NAV2: variants seen among roughly 807,000 people sequenced by gnomAD.
The protein encoded by NAV2 is helicase, APC down-regulated 1.
Under a neutral mutation model 223.2 loss-of-function variants are expected in NAV2, and 54 were observed. That is an observed-to-expected ratio of 0.24 (90% confidence interval 0.19 to 0.30). NAV2 has a LOEUF of 0.30. Ranked by LOEUF, NAV2 falls within the 10% of genes least tolerant of loss-of-function variation. NAV2 has a pLI of 1.00. For missense variants in NAV2, 2,806 were observed against 3,147.5 expected, an observed-to-expected ratio of 0.89 and a Z score of 2.60; for synonymous variants, 1,279 against 1,239.3, an observed-to-expected ratio of 1.03 and a Z score of -0.67.
At chr11:20,048,015 C>T (rs1365541305) in intron 14 of NAV2, among the ~76,000 whole-genome samples, 1 of 152,170 alleles carries the variant, frequency 6.6e-6, no homozygotes, top group South Asian at 2.1e-4. Context: ...TTTTTGGCCA[C>T]GAGCAGGGGA....
At chr11:20,006,264 AG>A (rs1423942256) in intron 11 of NAV2, among the ~76,000 whole-genome samples, 1 of 152,156 alleles carries the variant, frequency 6.6e-6, no homozygotes, top group Non-Finnish European at 1.5e-5. Flanking sequence ...TGTATTCTGG[AG>A]ATAAGGGCCT....
rs560823630 is a variant in NAV2, at chr11:19,833,194, A to G, written c.385+593A>G. Among the ~76,000 whole-genome samples the G allele has an allele frequency of 1.2e-4, 19 of 152,328 alleles. 1 individual carries two copies. In the South Asian group the frequency reaches 3.3e-3, roughly 27 times the overall value. The stretch of plus-strand genomic sequence containing the variant: ...TGGCCACAGCTTTGCCTTGGGCCTT[A>G]AGGTAACCACCCCATGGGCCTGACT... On this transcript the variant is annotated intron_variant, in intron 2 of 37. Transcript: ENST00000349880.
intron 1 of NAV2, among the ~76,000 whole-genome samples, chr11:19,763,607 C>T (rs910601008): frequency 2.0e-5 from 3 of 152,032 alleles, no homozygotes; most frequent in Non-Finnish European, 2.9e-5. Context: ...AATTAGGCTC[C>T]GTTTTATGCT....
chr11:19,982,208 T>C (rs1328486122), intron 10 of NAV2, among the ~76,000 whole-genome samples: 3 of 151,910 alleles, frequency 2.0e-5, no homozygotes, highest in Non-Finnish European at 4.4e-5. Context: ...ATCATGAAAT[T>C]CACCATTTTA....
At position 19,622,553 on chromosome 11, in the gene NAV2, G is replaced by C. The variant is rs985101595; in HGVS notation, c.76-209931G>C. On this transcript the variant is annotated intron_variant, in intron 1 of 37. Coordinates refer to the NAV2 transcript ENST00000360655. ...TTTGATCTTTGTTGGTTTAAAGTCT[G>C]TTTTATCAGAGACTAGGATTGCAAC... is the stretch of plus-strand genomic sequence containing the variant. Among the ~76,000 whole-genome samples, 6 of 152,258 alleles carry C rather than the reference G, an allele frequency of 3.9e-5. No individual in the cohort carries two copies. The East Asian group carries it at 1.2e-3, about 29-fold the overall frequency.
chr11:20,008,138 G>A (rs979240506), intron 11 of NAV2, among the ~76,000 whole-genome samples: 5 of 152,052 alleles, frequency 3.3e-5, no homozygotes, highest in African/African-American at 9.7e-5. Context: ...AGGCCAAGGC[G>A]GGCAGATCAC....
intron 1 of NAV2, among the ~76,000 whole-genome samples, chr11:19,818,479 C>T (rs962248867): frequency 4.0e-5 from 6 of 151,734 alleles, no homozygotes; most frequent in Non-Finnish European, 5.9e-5. Context: ...ATCTCATGAC[C>T]ATAAACAATA....
intron 16 of NAV2, among the ~76,000 whole-genome samples, chr11:20,050,985 G>A (rs16937383): frequency 0.017 from 2,618 of 152,326 alleles, 74 homozygotes; most frequent in African/African-American, 0.06. Context: ...CTGCTTTGAG[G>A]TGGAGCAACC....
At chr11:19,697,444 A>T (rs551732091) in intron 1 of NAV2, among the ~76,000 whole-genome samples, 92 of 151,692 alleles carry the variant, frequency 6.1e-4, no homozygotes, top group African/African-American at 1.8e-3. Context: ...TTTGAAATTT[A>T]AAAAAAAAGG....
chr11:20,001,385 T>C (rs2052527713), intron 11 of NAV2, among the ~76,000 whole-genome samples: 1 of 152,180 alleles, frequency 6.6e-6, no homozygotes, highest in Non-Finnish European at 1.5e-5. Context: ...GGGATTATCT[T>C]ATTTATCACT....
At chr11:19,762,903 C>T (rs879496627) in intron 1 of NAV2, among the ~76,000 whole-genome samples, 6 of 152,260 alleles carry the variant, frequency 3.9e-5, no homozygotes, top group Admixed American at 2.0e-4. Context: ...TGAGCCACTA[C>T]GCCCAGCCAG....
chr11:19,365,039 G>A (rs1031827880), intron 1 of NAV2, among the ~76,000 whole-genome samples: 3 of 152,178 alleles, frequency 2.0e-5, no homozygotes, highest in African/African-American at 7.2e-5. Context: ...AAGAATGAGC[G>A]ACAAATGATC....
chr11:20,037,269 C>T (rs1055817249), intron 12 of NAV2, among the ~76,000 whole-genome samples: 9 of 130,770 alleles, frequency 6.9e-5, no homozygotes. Context: ...CACTCCCTTC[C>T]ATAACCTCTT....
intron 1 of NAV2, among the ~76,000 whole-genome samples, chr11:19,663,425 A>G (rs531104528): frequency 4.6e-4 from 70 of 152,314 alleles, no homozygotes; most frequent in Non-Finnish European, 7.8e-4. Context: ...AGAGAAGATA[A>G]GAAACTTCTG....
rs1333038555 is a variant in NAV2 at position 20,103,832 on chromosome 11, T to C, written c.6644+108T>C. The stretch of plus-strand genomic sequence containing the variant: ...TTGAGTATGTGTTGTATGCTAGGTA[T>C]TGTTAAGCATTTTTCTCAGCTTAAT... On this transcript the variant is annotated intron_variant, in intron 34 of 37. Transcript: ENST00000349880. 3 of 966,036 alleles carry C rather than the reference T, an allele frequency of 3.1e-6. No individual in the cohort carries two copies. The African/African-American group carries it at 4.8e-5, about 16-fold the overall frequency. The allele number at this position is 966,036 out of a possible 1,614,324, so 59.8% of individuals were successfully genotyped here.
At chr11:19,408,021 CTT>C (rs1245441530) in intron 1 of NAV2, among the ~76,000 whole-genome samples, 1 of 152,120 alleles carries the variant, frequency 6.6e-6, no homozygotes, top group Admixed American at 6.5e-5. Flanking sequence ...TGACCTGGGA[CTT>C]TGTGCACATT....
intron 1 of NAV2, among the ~76,000 whole-genome samples, chr11:19,461,759 G>A (rs1852169834): frequency 6.6e-6 from 1 of 152,218 alleles, no homozygotes; most frequent in Admixed American, 6.5e-5. Flanking sequence ...GGAGTAGCGA[G>A]TATCAGAGAG....
At chr11:19,742,388 G>C (rs942536516) in intron 1 of NAV2, among the ~76,000 whole-genome samples, 4 of 152,250 alleles carry the variant, frequency 2.6e-5, no homozygotes, top group African/African-American at 9.6e-5. Context: ...ACTTAACACA[G>C]AGTCTGGCAC....
intron 1 of NAV2, among the ~76,000 whole-genome samples, chr11:19,589,912 G>A (rs996841684): frequency 1.3e-5 from 2 of 152,180 alleles, no homozygotes; most frequent in African/African-American, 4.8e-5. Context: ...GGCACAGGAG[G>A]CGGGATTCCA....
Sources: gnomAD v4.1 joint callset for allele counts (sites outside exome capture counted in the v4.1 genomes callset) on GRCh38, gnomAD v4.1.1 for gene constraint, MANE v1.5 for transcripts, NCBI Gene and HGNC (gene_info 2026-07-23, HGNC 2026-07-21) for gene names.